MBNL2: variants seen among roughly 807,000 people sequenced by gnomAD.
The protein encoded by MBNL2 is muscleblind-like protein 2.
A neutral mutation model predicts 41.9 loss-of-function variants in MBNL2; 17 were observed. That is an observed-to-expected ratio of 0.41 (90% CI 0.28 to 0.61). The LOEUF is 0.61. Ranked by LOEUF, MBNL2 falls within the 20% of genes least tolerant of loss-of-function variation. The pLI is 0.35. For missense variants in MBNL2, 336 were observed against 505.6 expected (o/e 0.66, Z 3.22); for synonymous variants, 195 against 182.9 (o/e 1.07, Z -0.53).
chr13:97,175,617 A>C, the MBNL2 span, among the ~76,000 whole-genome samples: 2 of 152,192 alleles, frequency 1.3e-5, no homozygotes, highest in African/African-American at 4.8e-5. Flanking sequence ...ATTCCAGATA[A>C]TCAGGTATTT....
At chr13:97,304,808 C>T (rs1376466892) in intron 2 of MBNL2, among the ~76,000 whole-genome samples, 5 of 152,134 alleles carry the variant, frequency 3.3e-5, no homozygotes, top group Admixed American at 1.3e-4. Context: ...ATTACATAAA[C>T]AAAATGCATT....
chr13:97,293,055 T>C (rs1465163275), intron 2 of MBNL2, among the ~76,000 whole-genome samples: 3 of 152,148 alleles, frequency 2.0e-5, no homozygotes, highest in Non-Finnish European at 2.9e-5. Flanking sequence ...ATCATTATTA[T>C]TATTTTTACT....
chr13:97,162,887 G>A, the MBNL2 span, among the ~76,000 whole-genome samples: 6 of 152,206 alleles, frequency 3.9e-5, no homozygotes, highest in Admixed American at 3.3e-4. Context: ...AGAGAGATAG[G>A]AGAGTCAGGA....
At chr13:97,271,544 T>G (rs2051029485) in intron 1 of MBNL2, among the ~76,000 whole-genome samples, 1 of 152,150 alleles carries the variant, frequency 6.6e-6, no homozygotes, top group African/African-American at 2.4e-5. Context: ...GGTGGTTTGC[T>G]GCACCTATTG....
chr13:97,243,280 C>T (rs1174453527), intron 1 of MBNL2, among the ~76,000 whole-genome samples: 4 of 152,198 alleles, frequency 2.6e-5, no homozygotes, highest in African/African-American at 4.8e-5. Flanking sequence ...CTGCTCCTGA[C>T]GGCTTATTTA....
the MBNL2 span, among the ~76,000 whole-genome samples, chr13:97,155,608 G>C: frequency 2.0e-5 from 3 of 147,386 alleles, no homozygotes; most frequent in Non-Finnish European, 3.0e-5. Context: ...CATGTGATCT[G>C]ATTGTTCAAT....
chr13:97,242,835 G>C, intron 1 of MBNL2, among the ~76,000 whole-genome samples: 1 of 151,964 alleles, frequency 6.6e-6, no homozygotes, highest in Middle Eastern at 3.2e-3. Flanking sequence ...GCTTGGATCT[G>C]TGGGGATGCT....
At chr13:97,218,441 A>AAAAAAAAAAAC (rs1555302261), upstream of MBNL2, among the ~76,000 whole-genome samples, 14 of 24,116 alleles carry the variant, frequency 5.8e-4, no homozygotes, top group African/African-American at 1.3e-3. Context: ...AAAACAAAAC[A>AAAAAAAAAAAC]AAAAAAAAAA....
intron 1 of MBNL2, among the ~76,000 whole-genome samples, chr13:97,236,169 A>T (rs911739619): frequency 6.6e-6 from 1 of 152,016 alleles, no homozygotes; most frequent in African/African-American, 2.4e-5. Flanking sequence ...TCTTCCCCTC[A>T]CATTTTCAGG....
At chr13:97,253,373 C>T (rs1362383264) in intron 1 of MBNL2, among the ~76,000 whole-genome samples, 2 of 152,178 alleles carry the variant, frequency 1.3e-5, no homozygotes, top group Non-Finnish European at 2.9e-5. Flanking sequence ...CATAGTTCTG[C>T]TCATATAATT....
intron 1 of MBNL2, among the ~76,000 whole-genome samples, chr13:97,228,444 T>C (rs1349004270): frequency 1.3e-5 from 2 of 152,148 alleles, no homozygotes; most frequent in East Asian, 1.9e-4. Context: ...GTTTACATTA[T>C]AATATGCAAA....
At chr13:97,236,150 C>T (rs780024344) in intron 1 of MBNL2, among the ~76,000 whole-genome samples, 3 of 151,908 alleles carry the variant, frequency 2.0e-5, no homozygotes, top group African/African-American at 7.3e-5. Flanking sequence ...TTTTTTTTCA[C>T]GTATTCTTTC....
In MBNL2 at chr13:97,246,645, G is replaced by A. The variant is rs564526398; in HGVS notation, c.-605+24114G>A. On this transcript the variant is annotated intron_variant, in intron 1 of 8. Transcript: ENST00000679496. ...GTCTTTGGGTAGGAGGAGGCAGCGG[G>A]ATTTGTGGCAGAGAGATCCCCTTCC... Among the ~76,000 whole-genome samples the A allele has an allele frequency of 3.9e-5, 6 of 152,266 alleles. No homozygotes were observed. In the South Asian group the frequency reaches 1.2e-3, roughly 32 times the overall value.
At chr13:97,165,648 C>T in the MBNL2 span, among the ~76,000 whole-genome samples, 1 of 152,170 alleles carries the variant, frequency 6.6e-6, no homozygotes, top group Non-Finnish European at 1.5e-5. Flanking sequence ...AGTGAATCCG[C>T]ACTAACAGAG....
At chr13:97,321,814 C>T (rs764759688) in intron 2 of MBNL2, among the ~76,000 whole-genome samples, 84 of 152,180 alleles carry the variant, frequency 5.5e-4, no homozygotes, top group Non-Finnish European at 2.4e-4. Context: ...CCCAGGCCAG[C>T]CAGCTTGACT....
chr13:97,334,212 A>G lies in MBNL2; in HGVS notation c.175-64A>G, dbSNP rs1295195538. 7.9e-6 allele frequency: 10 copies of G among 1,270,944 alleles called. No individual in the cohort carries two copies. The highest frequency in any genetic ancestry group is 1.0e-5 in the Non-Finnish European group (9 of 897,562). 78.7% of individuals were successfully genotyped at this position (1,270,944 alleles called of 1,614,324 possible). A position where few individuals can be genotyped will look rare whatever the true frequency, so the allele number is the denominator to read the frequency against. On this transcript the variant is annotated intron_variant, in intron 2 of 8. Coordinates refer to ENST00000679496, the MANE Select transcript of MBNL2 (RefSeq NM_001382683.1). This position sits in a 1 kb window ranked among gnomAD's most constrained non-coding sequence, Gnocchi z 5.3. ...TTTTGTGCATAAGAAGTGATTGTTC[A>G]GTGGTTGACTTTGGAGTTGCAAGCT...
At chr13:97,188,613 C>T in the MBNL2 span, among the ~76,000 whole-genome samples, 1 of 150,192 alleles carries the variant, frequency 6.7e-6, no homozygotes, top group Non-Finnish European at 1.5e-5. Flanking sequence ...CCCCAGAACA[C>T]TAACACACGT....
chr13:97,378,183 T>G (rs2065125512), intron 8 of MBNL2, among the ~76,000 whole-genome samples: 1 of 152,208 alleles, frequency 6.6e-6, no homozygotes, highest in Non-Finnish European at 1.5e-5. Context: ...TTGAAAATAA[T>G]TGAAATGTTA....
At chr13:97,161,475 CT>C in the MBNL2 span, among the ~76,000 whole-genome samples, 1 of 152,166 alleles carries the variant, frequency 6.6e-6, no homozygotes, top group Non-Finnish European at 1.5e-5. Flanking sequence ...GTGACTTTTA[CT>C]GTAGTGTGAA....
Sources: gnomAD v4.1 joint callset for allele counts (sites outside exome capture counted in the v4.1 genomes callset) on GRCh38, gnomAD v4.1.1 for gene constraint, Gnocchi (gnomAD v3.1) non-coding constraint, MANE v1.5 for transcripts, NCBI Gene and HGNC (gene_info 2026-07-23, HGNC 2026-07-21) for gene names.